The following DOCK1 variants were observed in gnomAD, a reference collection of about 807,000 sequenced individuals.
The protein encoded by DOCK1 is dedicator of cytokinesis protein 1.
A neutral mutation model predicts 262.7 loss-of-function variants in DOCK1; 138 were observed. The ratio of observed to expected loss-of-function variants is 0.53; its 90% CI spans 0.46 to 0.61. The LOEUF is 0.61. DOCK1 is among the 20% of genes least tolerant of loss of function. DOCK1 has a pLI of 0.00. For missense variants in DOCK1, 1,908 were observed against 2,370.7 expected, an observed-to-expected ratio of 0.80 and a Z score of 4.05; for synonymous variants, 866 against 867.4, an observed-to-expected ratio of 1.00 and a Z score of 0.03.
chr10:127,419,198 C>A (rs1392169341), intron 45 of DOCK1, among the ~76,000 whole-genome samples: 1 of 152,202 alleles, frequency 6.6e-6, no homozygotes, highest in Non-Finnish European at 1.5e-5. Flanking sequence ...AGCTTGTTGA[C>A]CCCTGATCTA....
At chr10:127,365,505 A>G (rs1427861523) in intron 33 of DOCK1, among the ~76,000 whole-genome samples, 1 of 152,222 alleles carries the variant, frequency 6.6e-6, no homozygotes, top group African/African-American at 2.4e-5. Context: ...ATCTAGCCCA[A>G]AGAAGGACTT....
At chr10:127,137,715 G>A (rs368926868) in intron 27 of DOCK1, 37 of 871,878 alleles carry the variant, frequency 4.2e-5, no homozygotes, top group East Asian at 3.2e-4. Flanking sequence ...TACGCAGGGC[G>A]AGAAGTGGGA....
At position 127,251,553 on chromosome 10, in the gene DOCK1, C is replaced by A. The variant is rs549950348; in HGVS notation, c.2949+3444C>A. Among the ~76,000 whole-genome samples the A allele has an allele frequency of 3.2e-5, 4 of 123,780 alleles. No homozygotes were observed. In the South Asian group the frequency reaches 8.9e-4, roughly 27 times the overall value. 81.2% of individuals were successfully genotyped at this position (123,780 alleles called of 152,430 possible). On this transcript the variant is annotated intron_variant, in intron 28 of 51. Coordinates refer to ENST00000623213, the MANE Select transcript of DOCK1 (RefSeq NM_001290223.2). ...CCCCTCCCCCCACCCCACAAGAGAC[C>A]CCAGAGTGTGATGTTCCCCTTCCTG...
intron 1 of DOCK1, among the ~76,000 whole-genome samples, chr10:126,909,740 A>G (rs1486635765): frequency 6.6e-6 from 1 of 152,214 alleles, no homozygotes; most frequent in Non-Finnish European, 1.5e-5. Flanking sequence ...ACTCGCTGAG[A>G]TGATGTTGGC....
chr10:126,962,713 A>C (rs2037324328), intron 1 of DOCK1, among the ~76,000 whole-genome samples: 1 of 152,212 alleles, frequency 6.6e-6, no homozygotes, highest in African/African-American at 2.4e-5. Flanking sequence ...TCTTTAATGC[A>C]CAAGAGTTTT....
At chr10:127,239,393 T>G (rs2059183865) in intron 27 of DOCK1, among the ~76,000 whole-genome samples, 1 of 152,198 alleles carries the variant, frequency 6.6e-6, no homozygotes. Flanking sequence ...TTTAATGTTT[T>G]AATACTTTAT....
chr10:126,938,689 A>G (rs2034721367), intron 1 of DOCK1, among the ~76,000 whole-genome samples: 3 of 152,140 alleles, frequency 2.0e-5, no homozygotes, highest in African/African-American at 7.2e-5. Flanking sequence ...TTCTGTGTCT[A>G]ATGACGGCTG....
At chr10:127,132,965 C>T (rs1465388532) in intron 27 of DOCK1, among the ~76,000 whole-genome samples, 1 of 152,158 alleles carries the variant, frequency 6.6e-6, no homozygotes, top group African/African-American at 2.4e-5. Flanking sequence ...GAAGATTTTG[C>T]CTGGATTCTC....
chr10:127,394,005 C>T (rs748084007), intron 38 of DOCK1, among the ~76,000 whole-genome samples: 1 of 152,208 alleles, frequency 6.6e-6, no homozygotes, highest in South Asian at 2.1e-4. Context: ...TCTGAAGATG[C>T]TCTGAATTGT....
intron 27 of DOCK1, among the ~76,000 whole-genome samples, chr10:127,235,760 TC>T (rs1368934240): frequency 1.3e-5 from 2 of 148,256 alleles, no homozygotes; most frequent in Non-Finnish European, 3.0e-5. Flanking sequence ...AACATGAGTT[TC>T]CATTGTTCTG....
At chr10:127,036,498 ATTCT>A (rs1363066090) in intron 18 of DOCK1, among the ~76,000 whole-genome samples, 1 of 148,726 alleles carries the variant, frequency 6.7e-6, no homozygotes, top group Non-Finnish European at 1.5e-5. Flanking sequence ...TTGTTTTTTG[ATTCT>A]TTCTTTTATG....
intron 30 of DOCK1, among the ~76,000 whole-genome samples, chr10:127,341,970 T>C (rs890002523): frequency 1.3e-5 from 2 of 152,226 alleles, no homozygotes; most frequent in Admixed American, 6.5e-5. Flanking sequence ...ATGAGTGCTC[T>C]GGCTCAAAGG....
intron 27 of DOCK1, among the ~76,000 whole-genome samples, chr10:127,147,634 C>G (rs1006256723): frequency 1.3e-5 from 2 of 152,128 alleles, no homozygotes; most frequent in Non-Finnish European, 2.9e-5. Flanking sequence ...TGGTGCAGAA[C>G]TTGTCCTTAG....
At chr10:127,261,302 T>G (rs111174124) in intron 29 of DOCK1, among the ~76,000 whole-genome samples, 33,085 of 111,106 alleles carry the variant, frequency 0.3, 6,461 homozygotes, top group East Asian at 0.34. Flanking sequence ...TGTGGGTGTG[T>G]GTGTGTGTGC....
chr10:126,970,486 C>T (rs2038019210), intron 1 of DOCK1, among the ~76,000 whole-genome samples: 1 of 152,134 alleles, frequency 6.6e-6, no homozygotes, highest in African/African-American at 2.4e-5. Context: ...CATCTGGTGT[C>T]ATGGGTAGTT....
At chr10:127,350,765 G>T (rs886461026) in intron 31 of DOCK1, among the ~76,000 whole-genome samples, 1 of 152,078 alleles carries the variant, frequency 6.6e-6, no homozygotes, top group African/African-American at 2.4e-5. Flanking sequence ...TTAGCTTTGT[G>T]TCTGGCCCAA....
chr10:127,065,922 T>C (rs2045842253), intron 23 of DOCK1, among the ~76,000 whole-genome samples: 1 of 152,072 alleles, frequency 6.6e-6, no homozygotes, highest in Non-Finnish European at 1.5e-5. Flanking sequence ...TGTTTTCCTC[T>C]GAAGAGGAGA....
intron 12 of DOCK1, among the ~76,000 whole-genome samples, chr10:127,017,578 C>T (rs951561697): frequency 1.3e-5 from 2 of 152,054 alleles, no homozygotes; most frequent in Middle Eastern, 3.2e-3. Flanking sequence ...TACAGATACA[C>T]AGACACACAG....
chr10:127,415,065 G>A, intron 43 of DOCK1, 87 bp from the exon 44 acceptor site: 2 of 1,264,360 alleles, frequency 1.6e-6, no homozygotes, highest in Non-Finnish European at 2.2e-6. Context: ...CTCCTTTGGA[G>A]TTATTCTATA....
Sources: allele counts gnomAD v4.1 joint callset (sites outside exome capture counted in the v4.1 genomes callset), GRCh38; gene constraint gnomAD v4.1.1; transcripts MANE v1.5; gene names NCBI Gene and HGNC (gene_info 2026-07-23, HGNC 2026-07-21).